The following KCNH2 variants were observed in gnomAD, a reference collection of about 807,000 sequenced individuals.
The protein encoded by KCNH2 is potassium voltage-gated channel subfamily H member 2, also known as voltage-gated inwardly rectifying potassium channel KCNH2.
In KCNH2, 35 loss-of-function variants were observed where a neutral mutation model predicts 95.9. The observed-to-expected ratio is 0.37, with a 90% confidence interval of 0.28 to 0.48. The LOEUF (loss-of-function observed/expected upper bound fraction) is 0.48. KCNH2 is among the 20% of genes least tolerant of loss of function. The probability of loss-of-function intolerance (pLI) is 0.99; values close to 1 mark genes in which losing one functional copy is unlikely to be tolerated. For synonymous variants in KCNH2, 786 were observed against 754.7 expected, an observed-to-expected ratio of 1.04 and a Z score of -0.68; for missense variants, 1,274 against 1,702.9, an observed-to-expected ratio of 0.75 and a Z score of 4.43.
chr7:150,974,297 T>C (rs1197994301), intron 2 of KCNH2, among the ~76,000 whole-genome samples: 5 of 152,096 alleles, frequency 3.3e-5, no homozygotes, highest in Non-Finnish European at 5.9e-5. Flanking sequence ...TGCCCTAAGG[T>C]AGATAGGGGC....
chr7:150,957,026 C>T (rs984337701), intron 5 of KCNH2, among the ~76,000 whole-genome samples: 2 of 152,186 alleles, frequency 1.3e-5, no homozygotes, highest in Non-Finnish European at 1.5e-5. Flanking sequence ...CCCGAAGGCA[C>T]GCACCCCATC....
intron 11 of KCNH2, 74 bp downstream of exon 11, chr7:150,948,370 C>G: frequency 1.6e-6 from 2 of 1,239,250 alleles, no homozygotes; most frequent in Non-Finnish European, 2.3e-6. Flanking sequence ...AAAGCAGACA[C>G]GGCCCACCCC....
intron 5 of KCNH2, among the ~76,000 whole-genome samples, chr7:150,954,592 T>A (rs1194226911): frequency 6.6e-6 from 1 of 152,208 alleles, no homozygotes; most frequent in Non-Finnish European, 1.5e-5. Context: ...CTGGCTTGCT[T>A]AAGCCAAACC....
chr7:150,958,096 G>A lies in KCNH2; in HGVS notation c.879C>T (p.Ala293=), dbSNP rs987421968. 4.5e-5 allele frequency: 58 copies of A among 1,288,224 alleles called. No homozygotes were observed. The highest frequency in any genetic ancestry group is 3.2e-4 in the East Asian group (10 of 31,648). The allele number at this position is 1,288,224 out of a possible 1,614,324, so 79.8% of individuals were successfully genotyped here. ...SSADDIEAMR[A]GVLPPPPRHA... Reference sequence around the variant, plus strand: ...GGCGCGGTGGCGGGGGCAGCACCCCGGCGCGCATGGCCTCGATGTCGTCGG... The same window carrying A: ...GGCGCGGTGGCGGGGGCAGCACCCCAGCGCGCATGGCCTCGATGTCGTCGG... Residue 293 remains alanine (A), a synonymous_variant, in exon 4 of 15, where the codon GCC becomes GCT. Coordinates refer to ENST00000262186, the MANE Select transcript of KCNH2 (RefSeq NM_000238.4).
intron 2 of KCNH2, among the ~76,000 whole-genome samples, chr7:150,971,600 G>A (rs1278818808): frequency 6.6e-6 from 1 of 152,014 alleles, no homozygotes. Flanking sequence ...GGGGACAATG[G>A]GAGAGAGGGA....
chr7:150,948,850 A>G lies in KCNH2; in HGVS notation c.2592+6T>C. 6.2e-7 allele frequency: 1 copy of G among 1,613,988 alleles called. No homozygotes were observed. The highest frequency in any genetic ancestry group is 8.5e-7 in the Non-Finnish European group (1 of 1,179,860). ...GATGGGGTCCAGCTCAGGGCAGCCA[A>G]CTCACATCTCGCAGGTTGAAGGTGA... On this transcript the variant is annotated splice_donor_region_variant and intron_variant, in intron 10 of 14. Coordinates refer to ENST00000262186, the MANE Select transcript of KCNH2 (RefSeq NM_000238.4).
At position 150,947,484 on chromosome 7, in the gene KCNH2, C is replaced by T. The variant is rs974699160; in HGVS notation, c.2996G>A (p.Ser999Asn). The T allele has an allele frequency of 3.2e-6, 5 of 1,583,736 alleles. No individual in the cohort carries two copies. Among genetic ancestry groups the T allele is most frequent in the Non-Finnish European group, 4.3e-6 (5 of 1,166,026 alleles). The change falls in exon 13 of 15, where the codon AGC (serine) becomes AAC (asparagine). Residue 999 changes from serine to asparagine, a missense_variant. By Grantham distance (46) the Ser-to-Asn change is conservative. Around this residue, in one of 7 missense-constraint regions of KCNH2, gnomAD observed 457 missense variants for 416.1 expected, o/e 1.10. Transcript: ENST00000262186. ...GAFSGVSNIF[S>N]FWGDSRGRQY... ...GCGGCCCCGACTGTCCCCCCAGAAG[C>T]TGAAAATGTTGGACACTCCTGAGAA...
intron 2 of KCNH2, among the ~76,000 whole-genome samples, chr7:150,974,316 G>A (rs1261791874): frequency 6.6e-6 from 1 of 152,184 alleles, no homozygotes; most frequent in Non-Finnish European, 1.5e-5. Flanking sequence ...GCCTGTGCCC[G>A]GATGTCAGCG....
At chr7:150,970,777 C>T (rs1351026352) in intron 2 of KCNH2, among the ~76,000 whole-genome samples, 1 of 152,202 alleles carries the variant, frequency 6.6e-6, no homozygotes, top group Non-Finnish European at 1.5e-5. Flanking sequence ...CACCGCTGTC[C>T]CCATGATGAA....
At position 150,948,523 on chromosome 7, in the gene KCNH2, G is replaced by A. The variant is rs1801010237; in HGVS notation, c.2613C>T (p.Ser871=). Residue 871 remains serine, a synonymous_variant, in exon 11 of 15, where the codon TCC becomes TCT. Coordinates refer to ENST00000262186, the MANE Select transcript of KCNH2 (RefSeq NM_000238.4). ...CACCCTCTAACTCCGTACTGCCGGG[G>A]GAGCCCGGGATCATGTTGGTCTGGA... is the stretch of plus-strand genomic sequence containing the variant. The part of the protein sequence containing the change: ...NLRDTNMIPG[S]PGSTELEGGF... 6.2e-7 allele frequency: 1 copy of A among 1,613,778 alleles called. No individual in the cohort carries two copies. Among genetic ancestry groups the A allele is most frequent in the South Asian group, 1.1e-5 (1 of 91,076 alleles).
At chr7:150,971,882 G>A (rs1465478552) in intron 2 of KCNH2, among the ~76,000 whole-genome samples, 2 of 152,166 alleles carry the variant, frequency 1.3e-5, no homozygotes, top group Non-Finnish European at 2.9e-5. Context: ...GACTGGCAGA[G>A]GAGGAGCCAC....
chr7:150,969,680 G>A (rs1020566652), intron 2 of KCNH2, among the ~76,000 whole-genome samples: 21 of 152,322 alleles, frequency 1.4e-4, no homozygotes, highest in Middle Eastern at 3.4e-3. Context: ...CACTGAGCAC[G>A]CAGATACAAC....
At chr7:150,965,459 T>C (rs549718067) in intron 2 of KCNH2, among the ~76,000 whole-genome samples, 1 of 152,236 alleles carries the variant, frequency 6.6e-6, no homozygotes, top group Admixed American at 6.5e-5. Context: ...CTGAGAAGCC[T>C]GGGAAGGTGA....
intron 2 of KCNH2, among the ~76,000 whole-genome samples, chr7:150,973,532 T>A (rs926882633): frequency 3.3e-5 from 5 of 152,246 alleles, no homozygotes; most frequent in Non-Finnish European, 5.9e-5. Context: ...TCACAGCCCC[T>A]GCCTCCTGCC....
Position 150,946,697 on chromosome 7 carries a change from C to A in KCNH2, c.3330+180G>T, listed in dbSNP as rs967796562. On this transcript the variant is annotated intron_variant, in intron 14 of 14. Transcript: ENST00000262186. The surrounding 1 kb of genome is among the most constrained non-coding windows in gnomAD (Gnocchi z 6.5). ...TGGACGGGGGACTCTCCTGCCCTACCCTGAGCCTGCAGCTCCTGAAGCAGC... is the reference window on the plus strand; with the variant it reads ...TGGACGGGGGACTCTCCTGCCCTACACTGAGCCTGCAGCTCCTGAAGCAGC... Among the ~76,000 whole-genome samples, 1 of 152,176 alleles carries A rather than the reference C, an allele frequency of 6.6e-6. No homozygotes were observed. The highest frequency in any genetic ancestry group is 2.4e-5 in the African/African-American group (1 of 41,436).
intron 1 of KCNH2, among the ~76,000 whole-genome samples, chr7:150,976,997 CA>C (rs1159848002): frequency 6.6e-6 from 1 of 152,170 alleles, no homozygotes; most frequent in East Asian, 1.9e-4. Context: ...TTGGCAGTCA[CA>C]CCCACTGTGG....
chr7:150,952,449 G>A lies in KCNH2; in HGVS notation c.1533C>T (p.Leu511=), dbSNP rs1489383422. 5.0e-6 allele frequency: 8 copies of A among 1,614,120 alleles called. No individual in the cohort carries two copies. Among genetic ancestry groups the A allele is most frequent in the South Asian group, 4.4e-5 (4 of 91,072 alleles). Residue 511 remains leucine (L), a synonymous_variant, in exon 6 of 15, where the codon CTC becomes CTT. Transcript: ENST00000262186. This position sits in a 1 kb window ranked among gnomAD's most constrained non-coding sequence, Gnocchi z 7.3. ...CCTCCTCAGAGCCAGAGCCGAAGAT[G>A]AGCAGGTCGAAGGGGATGGCGGCCA... ...DMVAAIPFDL[L]IFGSGSEELI...
chr7:150,957,940 C>T (rs914938003), intron 4 of KCNH2, 119 bp downstream of exon 4: 4 of 761,962 alleles, frequency 5.2e-6, no homozygotes, highest in Non-Finnish European at 7.5e-6. Flanking sequence ...AATGGGATTT[C>T]CATCTCCCAG....
rs1367428729 is a variant in KCNH2, at chr7:150,952,408, C to T, written c.1557+17G>A. ...CCTCTCCTCTCCCTACACCACCTGC[C>T]TCCTTGCTGACCCCACCTCCTCAGA... On this transcript the variant is annotated intron_variant, in intron 6 of 14. Transcript: ENST00000262186. The surrounding 1 kb of genome is among the most constrained non-coding windows in gnomAD (Gnocchi z 7.3). 1.2e-6 allele frequency: 2 copies of T among 1,613,084 alleles called. No individual in the cohort carries two copies. Among genetic ancestry groups the T allele is most frequent in the Non-Finnish European group, 1.7e-6 (2 of 1,179,618 alleles).
Sources: gnomAD v4.1 joint callset for allele counts (sites outside exome capture counted in the v4.1 genomes callset) on GRCh38, gnomAD v4.1.1 for gene constraint, gnomAD v4.1.1 regional missense constraint, Gnocchi (gnomAD v3.1) non-coding constraint, MANE v1.5 for transcripts, NCBI Gene and HGNC (gene_info 2026-07-23, HGNC 2026-07-21) for gene names.